Variants in RBFOX1 observed in about 807,000 individuals in gnomAD.
RBFOX1 encodes RNA binding protein fox-1 homolog 1.
RBFOX1 carries 8 observed loss-of-function variants against 57.7 expected under a neutral mutation model. That is an observed-to-expected ratio of 0.14 (90% CI 0.08 to 0.25). The LOEUF is 0.25. RBFOX1 is among the 10% of genes least tolerant of loss of function. RBFOX1 has a pLI of 1.00. For synonymous variants in RBFOX1, 326 were observed against 222.4 expected, an observed-to-expected ratio of 1.47 and a Z score of -4.15; for missense variants, 611 against 548.5, an observed-to-expected ratio of 1.11 and a Z score of -1.14.
At chr16:6,085,945 G>A (rs2096076823) in intron 1 of RBFOX1, among the ~76,000 whole-genome samples, 1 of 152,028 alleles carries the variant, frequency 6.6e-6, no homozygotes, top group African/African-American at 2.4e-5. Context: ...AGCCCCACAT[G>A]CATTAGCCAT....
chr16:7,006,653 G>A (rs575669543), intron 3 of RBFOX1, among the ~76,000 whole-genome samples: 5 of 152,190 alleles, frequency 3.3e-5, no homozygotes, highest in African/African-American at 1.2e-4. Flanking sequence ...TCCCTGTGAT[G>A]CTCATTCTGA....
chr16:5,725,953 A>G (rs971893994), intron 3 of RBFOX1, among the ~76,000 whole-genome samples: 2 of 151,968 alleles, frequency 1.3e-5, no homozygotes, highest in Non-Finnish European at 2.9e-5. Flanking sequence ...CATCCATACA[A>G]ACCCACATTT....
At chr16:7,474,660 T>C (rs1298946454) in intron 4 of RBFOX1, among the ~76,000 whole-genome samples, 1 of 152,372 alleles carries the variant, frequency 6.6e-6, no homozygotes, top group Admixed American at 6.5e-5. Context: ...TTTCATCCCT[T>C]ATTACTTGTG....
At chr16:7,190,043 C>T (rs2084985891) in intron 4 of RBFOX1, among the ~76,000 whole-genome samples, 1 of 152,180 alleles carries the variant, frequency 6.6e-6, no homozygotes, top group Admixed American at 6.5e-5. Flanking sequence ...GATTTACTGG[C>T]AGGGCTAGCA....
intron 1 of RBFOX1, among the ~76,000 whole-genome samples, chr16:6,138,187 T>C (rs2096682822): frequency 6.6e-6 from 1 of 152,250 alleles, no homozygotes; most frequent in Non-Finnish European, 1.5e-5. Context: ...GCCCATTTGA[T>C]GGGTGTGCGG....
chr16:7,427,128 G>A (rs1442548453), intron 4 of RBFOX1, among the ~76,000 whole-genome samples: 1 of 152,168 alleles, frequency 6.6e-6, no homozygotes, highest in African/African-American at 2.4e-5. Context: ...AGTGGGGGGA[G>A]CGGAGAGGGA....
chr16:5,872,916 G>A (rs968832828), intron 4 of RBFOX1, among the ~76,000 whole-genome samples: 4 of 152,104 alleles, frequency 2.6e-5, no homozygotes, highest in Admixed American at 6.6e-5. Context: ...ACTTTGGGAG[G>A]CCAAGACAGG....
At position 7,153,345 on chromosome 16, in the gene RBFOX1, C is replaced by G. The variant is rs949736883; in HGVS notation, c.27+101247C>G. ...AAACATGATCTGATTTACTCTGTGG[C>G]CAAACTATAAATGCAACCTTTTATT... On this transcript the variant is annotated intron_variant, in intron 4 of 15. Coordinates refer to ENST00000550418, the MANE Select transcript of RBFOX1 (RefSeq NM_018723.4). Among the ~76,000 whole-genome samples the G allele has an allele frequency of 9.9e-5, 15 of 152,130 alleles. 1 individual carries two copies. The highest frequency in any genetic ancestry group is 3.4e-3 in the Middle Eastern group (1 of 292).
chr16:6,289,443 C>T lies in RBFOX1; in HGVS notation c.-126-27552C>T, dbSNP rs17139766. Among the ~76,000 whole-genome samples the T allele has an allele frequency of 2.4e-3, 368 of 152,230 alleles. 4 individuals are homozygous for T. The highest frequency in any genetic ancestry group is 0.022 in the East Asian group (113 of 5,160). On this transcript the variant is annotated intron_variant, in intron 1 of 15. Transcript: ENST00000550418. Reference sequence around the variant, plus strand: ...TCCTTTTAACTTGGATGTTAGCAGTCATCATCCTAATCATTCCCTATTTTA... The same window carrying T: ...TCCTTTTAACTTGGATGTTAGCAGTTATCATCCTAATCATTCCCTATTTTA...
At chr16:6,527,725 G>A (rs1040509231) in intron 2 of RBFOX1, among the ~76,000 whole-genome samples, 4 of 151,998 alleles carry the variant, frequency 2.6e-5, no homozygotes, top group Admixed American at 6.6e-5. Flanking sequence ...GCCTGAAATC[G>A]TTGACCCTAA....
At position 5,573,335 on chromosome 16, in the gene RBFOX1, C is replaced by G. The variant is rs142616105; in HGVS notation, c.259-25567C>G. Among the ~76,000 whole-genome samples, 457 of 152,306 alleles carry G rather than the reference C, an allele frequency of 3.0e-3. 2 individuals carry two copies. Among genetic ancestry groups the G allele is most frequent in the African/African-American group, 9.9e-3 (413 of 41,572 alleles). On this transcript the variant is annotated intron_variant, in intron 2 of 2. Transcript: ENST00000585867. ...ACAAAGGTGGTTCTTCTCCAGCTTT[C>G]TCATCACTGCTTTGACCTGAGCTGT...
intron 4 of RBFOX1, among the ~76,000 whole-genome samples, chr16:7,357,144 G>T (rs2097230645): frequency 6.6e-6 from 1 of 151,964 alleles, no homozygotes; most frequent in Non-Finnish European, 1.5e-5. Flanking sequence ...CGAGGTGCTG[G>T]GGCTAGCATG....
Position 7,616,939 on chromosome 16 carries a change from G to C in RBFOX1, c.676+9601G>C, listed in dbSNP as rs368727048. On this transcript the variant is annotated intron_variant, in intron 10 of 15. Transcript: ENST00000550418. ...ACAAGCTGTTGTGGAAAATGTGCAAGGTTTGAGATAGCCCAGGCCTGCTAG... is the reference window on the plus strand; with the variant it reads ...ACAAGCTGTTGTGGAAAATGTGCAACGTTTGAGATAGCCCAGGCCTGCTAG... Among the ~76,000 whole-genome samples, 9 of 151,758 alleles carry C rather than the reference G, an allele frequency of 5.9e-5. No homozygotes were observed. In the South Asian group the frequency reaches 1.9e-3, roughly 32 times the overall value.
chr16:6,361,298 T>G (rs1295765109), intron 2 of RBFOX1, among the ~76,000 whole-genome samples: 1 of 151,964 alleles, frequency 6.6e-6, no homozygotes, highest in East Asian at 1.9e-4. Context: ...GACAAGAACT[T>G]TAGACACCAG....
intron 3 of RBFOX1, among the ~76,000 whole-genome samples, chr16:5,652,024 C>G (rs1302434857): frequency 6.6e-6 from 1 of 152,066 alleles, no homozygotes; most frequent in Non-Finnish European, 1.5e-5. Context: ...GTCCCAGCTA[C>G]TTGGGAGGCT....
intron 5 of RBFOX1, among the ~76,000 whole-genome samples, chr16:7,555,397 C>A (rs918240863): frequency 6.6e-6 from 1 of 152,146 alleles, no homozygotes; most frequent in Non-Finnish European, 1.5e-5. Flanking sequence ...ACCAGTGTTA[C>A]CTTCCTCGTT....
intron 3 of RBFOX1, among the ~76,000 whole-genome samples, chr16:6,942,965 T>G (rs2078821968): frequency 6.6e-6 from 1 of 152,174 alleles, no homozygotes; most frequent in Non-Finnish European, 1.5e-5. Flanking sequence ...TTTTGTGACT[T>G]GTTTCGTGGT....
intron 3 of RBFOX1, among the ~76,000 whole-genome samples, chr16:5,816,357 T>C (rs1865821): frequency 6.6e-6 from 1 of 151,938 alleles, no homozygotes; most frequent in Admixed American, 6.6e-5. Context: ...ATTCTTACTG[T>C]CTGAAGCAGC....
At chr16:7,203,772 T>C (rs2089275504) in intron 4 of RBFOX1, among the ~76,000 whole-genome samples, 1 of 152,172 alleles carries the variant, frequency 6.6e-6, no homozygotes. Flanking sequence ...CGAAATCTCC[T>C]CATAACCCAC....
Sources: gnomAD v4.1 joint callset for allele counts (sites outside exome capture counted in the v4.1 genomes callset) on GRCh38, gnomAD v4.1.1 for gene constraint, MANE v1.5 for transcripts, NCBI Gene and HGNC (gene_info 2026-07-23, HGNC 2026-07-21) for gene names.